LUC7L: variants seen among roughly 807,000 people sequenced by gnomAD.
LUC7L encodes the protein LUC7 like.
LUC7L carries 29 observed loss-of-function variants against 51.1 expected under a neutral mutation model. The observed-to-expected ratio is 0.57, with a 90% confidence interval of 0.42 to 0.77. The LOEUF (loss-of-function observed/expected upper bound fraction) is 0.77. Among genes scored for constraint, LUC7L ranks in the 30% least tolerant of loss-of-function variants. The pLI is 0.00. For synonymous variants in LUC7L, 181 were observed against 180.7 expected (o/e 1.00, Z -0.01); for missense variants, 403 against 511.9 (o/e 0.79, Z 2.05).
intron 3 of LUC7L, among the ~76,000 whole-genome samples, chr16:216,380 GTT>G (rs34292372): frequency 0.063 from 6,753 of 107,526 alleles, 194 homozygotes; most frequent in Middle Eastern, 0.085. Context: ...TCAAATAGTT[GTT>G]TTTTTTTTTT....
chr16:208,622 A>ATAT, intron 3 of LUC7L: 1 of 994,576 alleles, frequency 1.0e-6, no homozygotes, highest in Non-Finnish European at 1.2e-6. Flanking sequence ...AGCCACGTAA[A>ATAT]TATTATTCCC....
intron 3 of LUC7L, among the ~76,000 whole-genome samples, chr16:210,937 G>A (rs1462604414): frequency 6.8e-6 from 1 of 146,224 alleles, no homozygotes; most frequent in Non-Finnish European, 1.5e-5. Flanking sequence ...TATAGTCCCA[G>A]GTACCCGGGA....
At chr16:216,380 G>GTTT (rs34292372) in intron 3 of LUC7L, among the ~76,000 whole-genome samples, 83 of 107,280 alleles carry the variant, frequency 7.7e-4, no homozygotes, top group African/African-American at 1.4e-3. Context: ...TCAAATAGTT[G>GTTT]TTTTTTTTTT....
At chr16:204,664 G>T (rs1435891600) in intron 5 of LUC7L, among the ~76,000 whole-genome samples, 1 of 151,938 alleles carries the variant, frequency 6.6e-6, no homozygotes, top group Non-Finnish European at 1.5e-5. Flanking sequence ...GTGCTGTACT[G>T]ATCACTTCTG....
chr16:227,217 A>C, intron 2 of LUC7L, 25 bp downstream of exon 2: 3 of 1,595,298 alleles, frequency 1.9e-6, no homozygotes, highest in Non-Finnish European at 2.6e-6. Flanking sequence ...AGAGTGTTCC[A>C]TGAGGTCCCC....
At chr16:197,144 G>A (rs1392332205) in intron 6 of LUC7L, among the ~76,000 whole-genome samples, 1 of 148,728 alleles carries the variant, frequency 6.7e-6, no homozygotes, top group South Asian at 2.1e-4. Context: ...CTGACCCAGT[G>A]ATCTGCCCGC....
rs115721473 is a variant in LUC7L, at chr16:212,846, C to T, written c.256-4658G>A. ...AGGCTAGAATACAGTGGCACGATCA[C>T]GGCTCACTTTAGCGTTGACCTCTCA... On this transcript the variant is annotated intron_variant, in intron 3 of 9. Transcript: ENST00000293872. Among the ~76,000 whole-genome samples, 1,341 of 151,844 alleles carry T rather than the reference C, an allele frequency of 8.8e-3. 14 individuals are homozygous for T. Among genetic ancestry groups the T allele is most frequent in the African/African-American group, 0.031 (1,287 of 41,422 alleles).
chr16:228,727 C>CAA (rs2050188686), intron 1 of LUC7L: 17 of 1,231,538 alleles, frequency 1.4e-5, no homozygotes, highest in Non-Finnish European at 1.6e-5. Context: ...GCTGGCTACA[C>CAA]AGAGGCTCTC....
intron 6 of LUC7L, among the ~76,000 whole-genome samples, chr16:194,100 G>C (rs2049088327): frequency 1.3e-5 from 2 of 150,064 alleles, no homozygotes; most frequent in African/African-American, 4.9e-5. Flanking sequence ...ACCGCGCTTG[G>C]CCACTTTTTT....
intron 1 of LUC7L, chr16:228,279 A>G (rs1028359561): frequency 1.5e-6 from 2 of 1,300,904 alleles, no homozygotes; most frequent in Admixed American, 2.3e-5. Context: ...GTTACTTGTG[A>G]AAAAAAGCAA....
intron 1 of LUC7L, 73 bp downstream of exon 1, chr16:229,206 C>T (rs1555458048): frequency 1.3e-6 from 2 of 1,505,036 alleles, no homozygotes. Flanking sequence ...ATCGCGGCCC[C>T]CGCCTCAGGC....
intron 6 of LUC7L, among the ~76,000 whole-genome samples, chr16:197,782 C>A (rs1354179382): frequency 1.3e-5 from 2 of 152,112 alleles, no homozygotes; most frequent in African/African-American, 4.8e-5. Context: ...GTGGTCACTG[C>A]AGCATTCTGC....
At chr16:201,950 G>T (rs374377712) in intron 5 of LUC7L, among the ~76,000 whole-genome samples, 29 of 151,736 alleles carry the variant, frequency 1.9e-4, no homozygotes, top group African/African-American at 6.8e-4. Flanking sequence ...CACCAAGTTG[G>T]CCAGGCTGGT....
chr16:218,522 A>T (rs1050856721), intron 3 of LUC7L, among the ~76,000 whole-genome samples: 68 of 152,188 alleles, frequency 4.5e-4, no homozygotes, highest in Non-Finnish European at 7.2e-4. Flanking sequence ...AGAGTTCAAG[A>T]TGAGCCTGGC....
In LUC7L at chr16:189,201, GATC is replaced by G. The variant is rs764504057; in HGVS notation, c.1110_1112del (p.Glu370_Ile371delinsAsp). 19 of 1,613,100 alleles carry G rather than the reference GATC, an allele frequency of 1.2e-5. No homozygotes were observed. The highest frequency in any genetic ancestry group is 1.6e-5 in the Non-Finnish European group (19 of 1,179,418). On this transcript the variant is annotated inframe_deletion, in exon 10 of 10. Coordinates refer to ENST00000293872, the MANE Select transcript of LUC7L (RefSeq NM_201412.3). ...TTACAGCACCCGGGAGACGGGTTCA[GATC>G]TCGCCGGCCTCCTTCTCTTCTGACC...
At chr16:216,429 C>T (rs1269861056) in intron 3 of LUC7L, among the ~76,000 whole-genome samples, 1 of 133,742 alleles carries the variant, frequency 7.5e-6, no homozygotes, top group African/African-American at 3.0e-5. Context: ...GTTGTCCAGG[C>T]TGGAGTGCAG....
intron 3 of LUC7L, among the ~76,000 whole-genome samples, chr16:212,608 G>A (rs188428637): frequency 2.6e-5 from 4 of 152,022 alleles, no homozygotes; most frequent in African/African-American, 7.2e-5. Flanking sequence ...ATCAGAACTG[G>A]TCTCATGTGG....
At chr16:192,853 G>C (rs746683397) in intron 7 of LUC7L, 74 bp downstream of exon 7, 108 of 1,305,588 alleles carry the variant, frequency 8.3e-5, no homozygotes, top group Non-Finnish European at 1.1e-4. Context: ...CCTATTCCAA[G>C]CAACAGTGGA....
intron 6 of LUC7L, among the ~76,000 whole-genome samples, chr16:193,562 T>C (rs1205208939): frequency 2.0e-5 from 3 of 152,140 alleles, no homozygotes; most frequent in African/African-American, 4.8e-5. Context: ...AGTGGCGCGA[T>C]CTTTGCTCAC....
Sources: allele counts gnomAD v4.1 joint callset (sites outside exome capture counted in the v4.1 genomes callset), GRCh38; gene constraint gnomAD v4.1.1; transcripts MANE v1.5; gene names NCBI Gene and HGNC (gene_info 2026-07-23, HGNC 2026-07-21).